The following HERC1 variants were observed in gnomAD, a reference collection of about 807,000 sequenced individuals.
HERC1 encodes probable E3 ubiquitin-protein ligase HERC1.
Under a neutral mutation model 554.3 loss-of-function variants are expected in HERC1, and 160 were observed. The ratio of observed to expected loss-of-function variants is 0.29; its 90% CI spans 0.25 to 0.33. The LOEUF (loss-of-function observed/expected upper bound fraction) is 0.33. HERC1 is among the 10% of genes least tolerant of loss of function. HERC1 has a pLI of 1.00. For synonymous variants in HERC1, 2,175 were observed against 2,131.7 expected, an observed-to-expected ratio of 1.02 and a Z score of -0.56; for missense variants, 4,919 against 5,918.5, an observed-to-expected ratio of 0.83 and a Z score of 5.54.
intron 1 of HERC1, among the ~76,000 whole-genome samples, chr15:63,783,638 A>T (rs1214761117): frequency 2.0e-5 from 3 of 152,178 alleles, no homozygotes; most frequent in Non-Finnish European, 4.4e-5. Flanking sequence ...CAGTATCTCT[A>T]AGGTATATGC....
chr15:63,830,761 A>C (rs140268884), intron 1 of HERC1, among the ~76,000 whole-genome samples: 25 of 152,316 alleles, frequency 1.6e-4, no homozygotes, highest in Middle Eastern at 3.4e-3. Flanking sequence ...TCCATCAACC[A>C]ATCATCTGAT....
chr15:63,710,935 A>G (rs1459164386), intron 24 of HERC1, among the ~76,000 whole-genome samples: 1 of 152,354 alleles, frequency 6.6e-6, no homozygotes, highest in Non-Finnish European at 1.5e-5. Context: ...CAGACCATGA[A>G]GAGCCTATAG....
Position 63,728,935 on chromosome 15 carries a change from G to GT in HERC1, c.3154+300dup, listed in dbSNP as rs200853874. Among the ~76,000 whole-genome samples, 1,334 of 125,076 alleles carry GT rather than the reference G, an allele frequency of 0.011. 14 individuals carry two copies. Among genetic ancestry groups the GT allele is most frequent in the African/African-American group, 0.034 (1,180 of 34,618 alleles). The allele number at this position is 125,076 out of a possible 152,430, so 82.1% of individuals were successfully genotyped here. Reference sequence around the variant, plus strand: ...GAAGAGAAAGGTAAAGAAAGAGCAGGTTTTAAAAAAAAAAAAAAAGAGCAG... The same window carrying GT: ...GAAGAGAAAGGTAAAGAAAGAGCAGGTTTTTAAAAAAAAAAAAAAAGAGCAG... On this transcript the variant is annotated intron_variant, in intron 16 of 77. Transcript: ENST00000443617.
At chr15:63,707,130 C>A (rs768180739) in intron 24 of HERC1, among the ~76,000 whole-genome samples, 8 of 152,156 alleles carry the variant, frequency 5.3e-5, no homozygotes, top group Non-Finnish European at 8.8e-5. Flanking sequence ...ATCTTCCAGA[C>A]ACAGTATGAT....
rs188900219 is a variant in HERC1, at chr15:63,640,407, G to C, written c.11646C>G (p.Pro3882=). The change falls in exon 61 of 78, where the codon CCC becomes CCG. Residue 3882 remains proline (P), a synonymous_variant. Coordinates refer to ENST00000443617, the MANE Select transcript of HERC1 (RefSeq NM_003922.4). ...CAAGGGAAGCCAAGCATTGCATATA[G>C]GGGCTATGAACAAGTTGGTCACCAC... ...VVCGDQLVHS[P]YMQCLASLAV... 8.6e-5 allele frequency: 138 copies of C among 1,613,704 alleles called. No individual in the cohort carries two copies. In the African/African-American group the frequency reaches 1.5e-3, roughly 18 times the overall value.
Position 63,636,090 on chromosome 15 carries a change from C to G in HERC1, c.12285G>C (p.Met4095Ile). Residue 4095 changes from methionine to isoleucine, a missense_variant, in exon 65 of 78, where the codon ATG (methionine) becomes ATC (isoleucine). Met to Ile is a conservative substitution (Grantham distance 10, BLOSUM62 1). Coordinates refer to ENST00000443617, the MANE Select transcript of HERC1 (RefSeq NM_003922.4). ...AGACCTCACCACTTTCAGTTAGGGCCATAGAGTGCCCATCAGAACCACAGG... is the reference window on the plus strand; with the variant it reads ...AGACCTCACCACTTTCAGTTAGGGCGATAGAGTGCCCATCAGAACCACAGG... ...VTSCGSDGHSMALTESGEVFS... is the reference protein window; with the variant it reads ...VTSCGSDGHSIALTESGEVFS... The G allele has an allele frequency of 6.2e-7, 1 of 1,613,728 alleles. No homozygotes were observed. Among genetic ancestry groups the G allele is most frequent in the Non-Finnish European group, 8.5e-7 (1 of 1,179,834 alleles).
intron 1 of HERC1, among the ~76,000 whole-genome samples, chr15:63,813,489 T>C (rs1329692196): frequency 6.6e-6 from 1 of 151,834 alleles, no homozygotes; most frequent in Non-Finnish European, 1.5e-5. Context: ...TTTTTTAATA[T>C]CAACCCAAAA....
intron 34 of HERC1, among the ~76,000 whole-genome samples, chr15:63,682,055 A>T (rs2071506465): frequency 6.6e-6 from 1 of 152,152 alleles, no homozygotes; most frequent in South Asian, 2.1e-4. Context: ...CAGCAATGAG[A>T]TTCACTAGAA....
At chr15:63,735,333 G>A (rs948119028) in intron 12 of HERC1, among the ~76,000 whole-genome samples, 10 of 140,856 alleles carry the variant, frequency 7.1e-5, no homozygotes, top group African/African-American at 2.4e-4. Context: ...AGGCATTTAA[G>A]AATTACAGAA....
chr15:63,615,507 G>A (rs759216361), intron 76 of HERC1, among the ~76,000 whole-genome samples: 1 of 152,238 alleles, frequency 6.6e-6, no homozygotes, highest in Non-Finnish European at 1.5e-5. Context: ...CTACTGGGGA[G>A]GCTGAGGCCA....
At chr15:63,740,377 G>A (rs2074746024) in intron 12 of HERC1, among the ~76,000 whole-genome samples, 1 of 152,138 alleles carries the variant, frequency 6.6e-6, no homozygotes, top group Admixed American at 6.5e-5. Flanking sequence ...TATAAATAAT[G>A]CTGTTATTAA....
At position 63,696,367 on chromosome 15, in the gene HERC1, TCTTCA is replaced by T. The variant is rs760946536; in HGVS notation, c.4906-33_4906-29del. On this transcript the variant is annotated intron_variant, in intron 26 of 77. Coordinates refer to ENST00000443617, the MANE Select transcript of HERC1 (RefSeq NM_003922.4). The stretch of plus-strand genomic sequence containing the variant: ...TGAGGAAAAAAACATATTTTAGAGT[TCTTCA>T]CTTAACTCAGACATGATGAAACTCT... 6.6e-6 allele frequency: 10 copies of T among 1,518,212 alleles called. No individual in the cohort carries two copies. The South Asian group carries it at 1.2e-4, about 18-fold the overall frequency. The allele number at this position is 1,518,212 out of a possible 1,614,324, so 94.0% of individuals were successfully genotyped here.
rs1470591072 is a variant in HERC1 at position 63,674,730 on chromosome 15, T to A, written c.7458A>T (p.Arg2486Ser). ...ESQHQITEGKRKNHEHMSKNH... is the reference protein window; with the variant it reads ...ESQHQITEGKSKNHEHMSKNH... Reference sequence around the variant, plus strand: ...TTTTGGACATGTGTTCATGATTTTTTCTTTTCCCTTCTGTTATTTGATGTT... The same window carrying A: ...TTTTGGACATGTGTTCATGATTTTTACTTTTCCCTTCTGTTATTTGATGTT... The change falls in exon 38 of 78, where the codon AGA (arginine) becomes AGT (serine). Residue 2486 changes from arginine (R) to serine (S), a missense_variant. Arg to Ser is a moderately radical substitution (Grantham distance 110, BLOSUM62 -1). This residue lies in a region of HERC1 where 1,963 missense variants were observed against 2,228.6 expected (regional missense o/e 0.88). Coordinates refer to ENST00000443617, the MANE Select transcript of HERC1 (RefSeq NM_003922.4). The A allele has an allele frequency of 6.2e-7, 1 of 1,613,814 alleles. No homozygotes were observed. Among genetic ancestry groups the A allele is most frequent in the Non-Finnish European group, 8.5e-7 (1 of 1,179,818 alleles).
intron 70 of HERC1, among the ~76,000 whole-genome samples, chr15:63,627,225 C>T (rs377384208): frequency 7.2e-5 from 11 of 152,256 alleles, no homozygotes; most frequent in East Asian, 3.9e-4. Context: ...ATCTAAGAAA[C>T]AAAATCCCTA....
chr15:63,613,244 T>C (rs2067678658), intron 76 of HERC1, among the ~76,000 whole-genome samples: 2 of 152,246 alleles, frequency 1.3e-5, no homozygotes, highest in South Asian at 2.1e-4. Context: ...GAACTGTATA[T>C]GAGTAACTAC....
chr15:63,763,491 T>C (rs1398108849), intron 3 of HERC1, among the ~76,000 whole-genome samples: 1 of 151,508 alleles, frequency 6.6e-6, no homozygotes, highest in Non-Finnish European at 1.5e-5. Flanking sequence ...TGCTACAGCC[T>C]AGAAAGCCTA....
At chr15:63,625,823 G>C (rs1044953851) in intron 71 of HERC1, 162 bp downstream of exon 71, 59 of 770,338 alleles carry the variant, frequency 7.7e-5, no homozygotes, top group Non-Finnish European at 1.1e-5. Flanking sequence ...CCTCTAGACT[G>C]TCCCTAACAC....
chr15:63,617,362 T>C (rs1236902783), intron 74 of HERC1, among the ~76,000 whole-genome samples: 5 of 152,256 alleles, frequency 3.3e-5, no homozygotes, highest in Middle Eastern at 3.2e-3. Context: ...GGCTGCATAG[T>C]ATTCCATGGT....
At chr15:63,722,071 G>A (rs1201861847) in intron 19 of HERC1, among the ~76,000 whole-genome samples, 1 of 152,098 alleles carries the variant, frequency 6.6e-6, no homozygotes, top group Non-Finnish European at 1.5e-5. Context: ...TGCCATGTTG[G>A]CCAGGCTGGT....
Sources: allele counts gnomAD v4.1 joint callset (sites outside exome capture counted in the v4.1 genomes callset), GRCh38; gene constraint gnomAD v4.1.1; regional missense constraint gnomAD v4.1.1; transcripts MANE v1.5; gene names NCBI Gene and HGNC (gene_info 2026-07-23, HGNC 2026-07-21).